Variants in PDE1C observed in about 807,000 individuals in gnomAD.
PDE1C encodes phosphodiesterase 1C.
In PDE1C, 62 loss-of-function variants were observed where a neutral mutation model predicts 93.1. That is an observed-to-expected ratio of 0.67 (90% CI 0.54 to 0.82). The LOEUF (loss-of-function observed/expected upper bound fraction) is 0.82. PDE1C is among the 40% of genes least tolerant of loss of function. The pLI is 0.00. For synonymous variants in PDE1C, 325 were observed against 310.1 expected (o/e 1.05, Z -0.50); for missense variants, 742 against 884.6 (o/e 0.84, Z 2.04).
At chr7:32,027,984 T>C (rs1446069807) in intron 2 of PDE1C, among the ~76,000 whole-genome samples, 1 of 152,142 alleles carries the variant, frequency 6.6e-6, no homozygotes, top group Non-Finnish European at 1.5e-5. Flanking sequence ...AACTTAAGTA[T>C]GTCTCTAATA....
chr7:32,237,543 T>C (rs2128866890), intron 1 of PDE1C, among the ~76,000 whole-genome samples: 1 of 151,510 alleles, frequency 6.6e-6, no homozygotes, highest in Non-Finnish European at 1.5e-5. Flanking sequence ...CTGAACTGTA[T>C]GCCAAAAATA....
the PDE1C span, among the ~76,000 whole-genome samples, chr7:31,742,274 T>C: frequency 6.6e-6 from 1 of 152,258 alleles, no homozygotes; most frequent in Non-Finnish European, 1.5e-5. Context: ...CTAACCAGTT[T>C]GTAACATAAA....
intron 2 of PDE1C, among the ~76,000 whole-genome samples, chr7:31,913,418 A>C (rs921844870): frequency 1.3e-5 from 2 of 152,110 alleles, no homozygotes; most frequent in African/African-American, 2.4e-5. Context: ...GAAAAAAAAA[A>C]CATAAATAAT....
chr7:32,070,926 G>A, upstream of PDE1C: 1 of 985,134 alleles, frequency 1.0e-6, no homozygotes, highest in South Asian at 4.7e-5. Context: ...CCAGCGCCCC[G>A]CTCACTCCCT....
Position 32,102,234 on chromosome 7 carries a change from A to G in PDE1C, c.308+67551T>C, listed in dbSNP as rs530169515. 3.3e-5 allele frequency among the ~76,000 whole-genome samples: 5 copies of G among 152,318 alleles called. No homozygotes were observed. In the East Asian group the frequency reaches 9.7e-4, roughly 29 times the overall value. Reference sequence around the variant, plus strand: ...TTCTTCCGTCTTGTTTGTTCCCTCAAACCACATTGACTGAGGCCCTCCTGG... The same window carrying G: ...TTCTTCCGTCTTGTTTGTTCCCTCAGACCACATTGACTGAGGCCCTCCTGG... On this transcript the variant is annotated intron_variant, in intron 3 of 18. Coordinates refer to the PDE1C transcript ENST00000396193.
chr7:32,028,752 T>C (rs1435483904), intron 2 of PDE1C, among the ~76,000 whole-genome samples: 1 of 152,086 alleles, frequency 6.6e-6, no homozygotes, highest in Non-Finnish European at 1.5e-5. Context: ...TACAATATTA[T>C]TAACTATATT....
At chr7:32,078,674 C>T (rs535804179) in intron 3 of PDE1C, among the ~76,000 whole-genome samples, 8 of 152,244 alleles carry the variant, frequency 5.3e-5, no homozygotes, top group South Asian at 2.1e-4. Flanking sequence ...CCTATAATCC[C>T]GGCACTTTGG....
intron 1 of PDE1C, among the ~76,000 whole-genome samples, chr7:32,228,309 G>A (rs1807442991): frequency 6.6e-6 from 1 of 152,184 alleles, no homozygotes; most frequent in Non-Finnish European, 1.5e-5. Context: ...AGAAATGGGA[G>A]AGCAACTCAG....
chr7:31,968,264 C>G (rs1810345189), intron 2 of PDE1C, among the ~76,000 whole-genome samples: 1 of 152,192 alleles, frequency 6.6e-6, no homozygotes, highest in South Asian at 2.1e-4. Context: ...AGCTAAGTCT[C>G]AGGATACAAA....
At chr7:32,356,552 T>C (rs2128084037) in intron 1 of PDE1C, among the ~76,000 whole-genome samples, 1 of 152,312 alleles carries the variant, frequency 6.6e-6, no homozygotes, top group East Asian at 1.9e-4. Flanking sequence ...AGAATTATAT[T>C]CACAAATCAT....
At chr7:31,865,122 C>T in intron 6 of PDE1C, 40 bp from the exon 7 acceptor site, 1 of 1,611,010 alleles carries the variant, frequency 6.2e-7, no homozygotes, top group South Asian at 1.1e-5. Flanking sequence ...AGTGACTTCA[C>T]TGCTTTCAAT....
At chr7:32,229,312 A>G (rs554831257) in intron 1 of PDE1C, among the ~76,000 whole-genome samples, 2 of 152,222 alleles carry the variant, frequency 1.3e-5, no homozygotes, top group Non-Finnish European at 2.9e-5. Context: ...ACAGCCAGGC[A>G]GGTTGTGCAC....
intron 16 of PDE1C, chr7:31,785,930 A>C (rs573224437): frequency 1.3e-5 from 2 of 152,348 alleles, no homozygotes; most frequent in East Asian, 3.9e-4. Context: ...TTTTTCATTA[A>C]GTTCATTTTC....
intron 2 of PDE1C, among the ~76,000 whole-genome samples, chr7:32,176,170 A>G (rs1802972621): frequency 6.6e-6 from 1 of 152,216 alleles, no homozygotes; most frequent in Non-Finnish European, 1.5e-5. Context: ...TAGTTAGCCT[A>G]ACTACATCTG....
chr7:31,896,170 T>G (rs2128910230), intron 2 of PDE1C, among the ~76,000 whole-genome samples: 1 of 152,116 alleles, frequency 6.6e-6, no homozygotes, highest in East Asian at 1.9e-4. Flanking sequence ...CAGCAACTCC[T>G]TAGTGGCAGG....
intron 3 of PDE1C, among the ~76,000 whole-genome samples, chr7:32,103,983 G>T (rs2128751451): frequency 6.6e-6 from 1 of 151,766 alleles, no homozygotes; most frequent in African/African-American, 2.4e-5. Context: ...CTAACATAAA[G>T]GAAGACAAAA....
intron 1 of PDE1C, among the ~76,000 whole-genome samples, chr7:32,217,422 C>T (rs1453234628): frequency 4.6e-5 from 7 of 152,238 alleles, no homozygotes; most frequent in East Asian, 3.9e-4. Context: ...TTAATTGTTG[C>T]GTGAGGATCA....
chr7:31,643,634 G>A, the PDE1C span: 1 of 1,614,054 alleles, frequency 6.2e-7, no homozygotes, highest in Non-Finnish European at 8.5e-7. Context: ...ACAAAAGCAA[G>A]ACAGTTAAAT....
the PDE1C span, among the ~76,000 whole-genome samples, chr7:31,625,009 A>G: frequency 1.4e-4 from 21 of 152,216 alleles, no homozygotes; most frequent in African/African-American, 4.3e-4. Context: ...GCAGTCAAAA[A>G]ACACATGAAA....
Sources: gnomAD v4.1 joint callset for allele counts (sites outside exome capture counted in the v4.1 genomes callset) on GRCh38, gnomAD v4.1.1 for gene constraint, MANE v1.5 for transcripts, NCBI Gene and HGNC (gene_info 2026-07-23, HGNC 2026-07-21) for gene names.